Variants in FHOD3 observed in about 807,000 individuals in gnomAD.
FHOD3 encodes the protein formin homology 2 domain containing 3, also known as FH1/FH2 domain-containing protein 3.
FHOD3 carries 90 observed loss-of-function variants against 173.0 expected under a neutral mutation model. The observed-to-expected ratio is 0.52, with a 90% CI of 0.44 to 0.62. The LOEUF is 0.62. FHOD3 is among the 20% of genes least tolerant of loss of function. The probability of loss-of-function intolerance (pLI) is 0.00; values close to 1 mark genes in which losing one functional copy is unlikely to be tolerated. For missense variants in FHOD3, 1,945 were observed against 2,034.7 expected (o/e 0.96, Z 0.85); for synonymous variants, 828 against 823.0 (o/e 1.01, Z -0.10).
rs572412339 is a variant in FHOD3, at chr18:36,642,415, C to T, written c.1197-6901C>T. Reference sequence around the variant, plus strand: ...CAGGTGGATCACGAGGTCAGGAGATCGAGACCATCCTGGCTAACACGGTGA... The same window carrying T: ...CAGGTGGATCACGAGGTCAGGAGATTGAGACCATCCTGGCTAACACGGTGA... On this transcript the variant is annotated intron_variant, in intron 10 of 28. Coordinates refer to ENST00000590592, the MANE Select transcript of FHOD3 (RefSeq NM_001281740.3). Among the ~76,000 whole-genome samples the T allele has an allele frequency of 2.0e-5, 3 of 151,940 alleles. No homozygotes were observed. In the East Asian group the frequency reaches 5.8e-4, roughly 29 times the overall value.
intron 3 of FHOD3, among the ~76,000 whole-genome samples, chr18:36,475,986 A>G (rs894222594): frequency 2.6e-5 from 4 of 152,226 alleles, no homozygotes; most frequent in African/African-American, 9.7e-5. Flanking sequence ...TTTAGGAAAA[A>G]TATGACCCAA....
chr18:36,351,337 T>TA (rs2046116588), intron 1 of FHOD3, among the ~76,000 whole-genome samples: 1 of 152,144 alleles, frequency 6.6e-6, no homozygotes, highest in South Asian at 2.1e-4. Context: ...GCGTAGGAGG[T>TA]AATGGCAGCC....
intron 1 of FHOD3, among the ~76,000 whole-genome samples, chr18:36,306,836 A>C (rs1044281166): frequency 2.0e-5 from 3 of 152,240 alleles, no homozygotes; most frequent in African/African-American, 7.2e-5. Context: ...TAGTCTGCTC[A>C]TCCCAGCCAT....
chr18:36,759,153 T>C lies in FHOD3; in HGVS notation c.4449+12T>C. ...AGGAGGAAGTTGAGGTATGACCATT[T>C]ATGAACATGAAGAATGCCACATTTT... On this transcript the variant is annotated intron_variant, in intron 26 of 28. Transcript: ENST00000590592. 1 of 1,535,806 alleles carries C rather than the reference T, an allele frequency of 6.5e-7. No individual in the cohort carries two copies. Among genetic ancestry groups the C allele is most frequent in the Non-Finnish European group, 8.7e-7 (1 of 1,146,636 alleles).
chr18:36,478,058 A>G (rs983106438), intron 3 of FHOD3, among the ~76,000 whole-genome samples: 1 of 152,198 alleles, frequency 6.6e-6, no homozygotes, highest in African/African-American at 2.4e-5. Context: ...GACAACTTAG[A>G]TAGCAGGGTC....
chr18:36,743,679 C>T (rs567446450), intron 22 of FHOD3, among the ~76,000 whole-genome samples: 31 of 152,248 alleles, frequency 2.0e-4, no homozygotes, highest in Admixed American at 1.1e-3. Context: ...TATTAAGAAA[C>T]GCAACTTTTT....
chr18:36,363,932 T>C (rs961541030), intron 2 of FHOD3, among the ~76,000 whole-genome samples: 6 of 152,176 alleles, frequency 3.9e-5, no homozygotes, highest in Non-Finnish European at 8.8e-5. Flanking sequence ...CATGCTCTAC[T>C]TTCTATGAAA....
chr18:36,357,101 G>A (rs930789272), intron 2 of FHOD3, among the ~76,000 whole-genome samples: 2 of 152,090 alleles, frequency 1.3e-5, no homozygotes, highest in Non-Finnish European at 2.9e-5. Flanking sequence ...TTAAAAATAT[G>A]GTCCACTGAA....
At chr18:36,311,636 C>T (rs1418565735) in intron 1 of FHOD3, among the ~76,000 whole-genome samples, 1 of 152,210 alleles carries the variant, frequency 6.6e-6, no homozygotes, top group African/African-American at 2.4e-5. Flanking sequence ...CCCTTCCCTG[C>T]AGCTGTGCTA....
At chr18:36,770,093 A>G (rs1205207866) in intron 28 of FHOD3, among the ~76,000 whole-genome samples, 1 of 152,216 alleles carries the variant, frequency 6.6e-6, no homozygotes, top group Non-Finnish European at 1.5e-5. Flanking sequence ...TCTCAGGGAC[A>G]GTGCTCCATA....
chr18:36,538,702 A>T (rs2057088184), intron 5 of FHOD3, among the ~76,000 whole-genome samples: 1 of 152,230 alleles, frequency 6.6e-6, no homozygotes, highest in African/African-American at 2.4e-5. Flanking sequence ...TATTTATAGG[A>T]CATTCTTGGA....
chr18:36,569,686 C>A (rs2058387733), intron 5 of FHOD3, among the ~76,000 whole-genome samples: 1 of 152,058 alleles, frequency 6.6e-6, no homozygotes, highest in African/African-American at 2.4e-5. Flanking sequence ...TATCATGGGT[C>A]ACAAAATAAA....
At chr18:36,429,313 A>AT (rs2050407730) in intron 3 of FHOD3, among the ~76,000 whole-genome samples, 1 of 152,216 alleles carries the variant, frequency 6.6e-6, no homozygotes, top group African/African-American at 2.4e-5. Context: ...TCTTAAATTC[A>AT]TAAACTTCAG....
intron 3 of FHOD3, among the ~76,000 whole-genome samples, chr18:36,427,083 G>C (rs1223715351): frequency 6.6e-6 from 1 of 152,026 alleles, no homozygotes; most frequent in East Asian, 1.9e-4. Flanking sequence ...CAGTGATTAA[G>C]TTCTTCCAAG....
At chr18:36,473,965 A>G (rs757823176) in intron 3 of FHOD3, among the ~76,000 whole-genome samples, 20 of 152,236 alleles carry the variant, frequency 1.3e-4, no homozygotes, top group Non-Finnish European at 2.8e-4. Context: ...TGATCCCAGC[A>G]TTGCTGATCC....
At chr18:36,536,358 A>G (rs1372916665) in intron 5 of FHOD3, among the ~76,000 whole-genome samples, 1 of 152,182 alleles carries the variant, frequency 6.6e-6, no homozygotes, top group Non-Finnish European at 1.5e-5. Context: ...ATTTTAAACC[A>G]TTGCTCTGTG....
chr18:36,575,171 A>G (rs964549530), intron 5 of FHOD3, among the ~76,000 whole-genome samples: 4 of 152,108 alleles, frequency 2.6e-5, no homozygotes, highest in Non-Finnish European at 4.4e-5. Flanking sequence ...AGGTTTTGCC[A>G]TGTTGGTCAG....
At chr18:36,330,927 A>C (rs1286035280) in intron 1 of FHOD3, among the ~76,000 whole-genome samples, 1 of 152,176 alleles carries the variant, frequency 6.6e-6, no homozygotes, top group African/African-American at 2.4e-5. Context: ...CAGAGTGAGC[A>C]TGCTCATTTG....
intron 3 of FHOD3, among the ~76,000 whole-genome samples, chr18:36,456,575 ACTG>A (rs2052228129): frequency 6.6e-6 from 1 of 152,060 alleles, no homozygotes; most frequent in African/African-American, 2.4e-5. Context: ...TAGTTTTCAA[ACTG>A]CTCATCAAGG....
Sources: gnomAD v4.1 joint callset for allele counts (sites outside exome capture counted in the v4.1 genomes callset) on GRCh38, gnomAD v4.1.1 for gene constraint, MANE v1.5 for transcripts, NCBI Gene and HGNC (gene_info 2026-07-23, HGNC 2026-07-21) for gene names.